PACS1: variants seen among roughly 807,000 people sequenced by gnomAD.
PACS1 encodes the protein PACS-1.
PACS1 carries 24 observed loss-of-function variants against 115.0 expected under a neutral mutation model. The ratio of observed to expected loss-of-function variants is 0.21; its 90% CI spans 0.15 to 0.29. The LOEUF is 0.29. Ranked by LOEUF, PACS1 falls within the 10% of genes least tolerant of loss-of-function variation. PACS1 has a pLI of 1.00. For synonymous variants in PACS1, 453 were observed against 504.5 expected, an observed-to-expected ratio of 0.90 and a Z score of 1.37; for missense variants, 838 against 1,251.2, an observed-to-expected ratio of 0.67 and a Z score of 4.98.
intron 5 of PACS1, 96 bp downstream of exon 5, chr11:66,216,359 C>G (rs1447284515): frequency 6.7e-7 from 1 of 1,489,962 alleles, no homozygotes; most frequent in African/African-American, 1.4e-5. Flanking sequence ...GGGCAAGAGA[C>G]CTTTAGAGAC....
chr11:66,123,725 G>A (rs1482654434), intron 1 of PACS1, among the ~76,000 whole-genome samples: 2 of 150,636 alleles, frequency 1.3e-5, no homozygotes, highest in Non-Finnish European at 2.9e-5. Context: ...GTTTCACCGT[G>A]TTAGCCAGGA....
intron 1 of PACS1, among the ~76,000 whole-genome samples, chr11:66,145,176 G>C (rs915895683): frequency 6.6e-6 from 1 of 152,156 alleles, no homozygotes; most frequent in Non-Finnish European, 1.5e-5. Context: ...GAAAGAAATG[G>C]AGAAGCATTT....
intron 4 of PACS1, among the ~76,000 whole-genome samples, chr11:66,214,032 CA>C (rs71036278): frequency 0.094 from 3,998 of 42,614 alleles, 8 homozygotes; most frequent in African/African-American, 0.12. Context: ...GACTCCATCT[CA>C]AAAAAAAAAA....
chr11:66,129,845 A>G (rs1478228978), intron 1 of PACS1, among the ~76,000 whole-genome samples: 1 of 152,154 alleles, frequency 6.6e-6, no homozygotes, highest in East Asian at 1.9e-4. Flanking sequence ...TGTGTCTGCC[A>G]TCCAAAAGGA....
chr11:66,158,257 CTG>C (rs900751983), intron 1 of PACS1, among the ~76,000 whole-genome samples: 1 of 152,220 alleles, frequency 6.6e-6, no homozygotes, highest in African/African-American at 2.4e-5. Context: ...GTGTGAGCCA[CTG>C]TGCCCGGCCT....
At chr11:66,089,672 G>A (rs149121581) in intron 1 of PACS1, among the ~76,000 whole-genome samples, 28 of 152,162 alleles carry the variant, frequency 1.8e-4, no homozygotes, top group Middle Eastern at 3.4e-3. Context: ...AAGAACAGAC[G>A]AGACAACTTA....
intron 1 of PACS1, among the ~76,000 whole-genome samples, chr11:66,190,518 C>T (rs570132313): frequency 2.8e-4 from 43 of 152,238 alleles, no homozygotes; most frequent in African/African-American, 9.6e-4. Flanking sequence ...CTCCACCTCC[C>T]GGGTTCAAGC....
intron 1 of PACS1, among the ~76,000 whole-genome samples, chr11:66,154,774 T>C (rs1030715558): frequency 6.6e-6 from 1 of 152,182 alleles, no homozygotes. Flanking sequence ...CATCTGTAGA[T>C]TCAATACATT....
chr11:66,129,046 G>A (rs574101366), intron 1 of PACS1, among the ~76,000 whole-genome samples: 1 of 152,156 alleles, frequency 6.6e-6, no homozygotes, highest in South Asian at 2.1e-4. Context: ...TCATGGGTAC[G>A]TACATTTAAA....
chr11:66,172,942 C>T (rs1221507625), intron 1 of PACS1, among the ~76,000 whole-genome samples: 2 of 147,248 alleles, frequency 1.4e-5, no homozygotes, highest in East Asian at 2.0e-4. Context: ...CACCACTGCA[C>T]GCCAGCCTGG....
At chr11:66,081,677 C>T (rs1857482450) in intron 1 of PACS1, among the ~76,000 whole-genome samples, 1 of 152,134 alleles carries the variant, frequency 6.6e-6, no homozygotes, top group African/African-American at 2.4e-5. Context: ...TGGTACAGGC[C>T]CCGCCTGCAA....
chr11:66,239,207 G>A lies in PACS1; in HGVS notation c.2359G>A (p.Gly787Ser), dbSNP rs1855762231. The change falls in exon 21 of 24, where the codon GGC becomes AGC. Residue 787 changes from glycine (G) to serine (S), a missense_variant. Around this residue, in one of 6 missense-constraint regions of PACS1, gnomAD observed 383 missense variants for 537.0 expected, o/e 0.71. Transcript: ENST00000320580. The part of the protein sequence containing the change: ...VPSTSPPSSS[G>S]LSRDATATPP... The stretch of plus-strand genomic sequence containing the variant: ...CTCCACATCACCACCCTCCAGCTCG[G>A]GCCTGAGCCGAGACGCCACGGCCAC... The A allele has an allele frequency of 6.2e-7, 1 of 1,613,876 alleles. No homozygotes were observed. The highest frequency in any genetic ancestry group is 8.5e-7 in the Non-Finnish European group (1 of 1,180,004).
At chr11:66,142,561 G>A (rs1277446316) in intron 1 of PACS1, among the ~76,000 whole-genome samples, 3 of 150,620 alleles carry the variant, frequency 2.0e-5, no homozygotes, top group Non-Finnish European at 3.0e-5. Context: ...TCCCACCTTG[G>A]CCTCCCAAGG....
intron 1 of PACS1, among the ~76,000 whole-genome samples, chr11:66,153,809 CAT>C (rs1165212474): frequency 6.6e-6 from 1 of 152,004 alleles, no homozygotes; most frequent in Non-Finnish European, 1.5e-5. Context: ...ACCTTTTAAA[CAT>C]AATATGTATA....
chr11:66,104,298 CTTAA>C (rs1304776216), intron 1 of PACS1, among the ~76,000 whole-genome samples: 2 of 152,164 alleles, frequency 1.3e-5, no homozygotes, highest in Non-Finnish European at 2.9e-5. Context: ...CAGAGGTAAA[CTTAA>C]TGGAATTTTC....
intron 2 of PACS1, among the ~76,000 whole-genome samples, chr11:66,207,973 T>C (rs76347309): frequency 0.024 from 3,604 of 152,288 alleles, 170 homozygotes; most frequent in African/African-American, 0.083. Flanking sequence ...TTCCCAGTGT[T>C]GCCCAGGCTG....
At position 66,206,129 on chromosome 11, in the gene PACS1, C is replaced by T. The variant is rs151011091; in HGVS notation, c.445-4233C>T. ...CACCACTGCACTCCAGCCTGTGCAA[C>T]AGAGTGAGACTCTGTCTCAAAATAA... On this transcript the variant is annotated intron_variant, in intron 2 of 23. Coordinates refer to ENST00000320580, the MANE Select transcript of PACS1 (RefSeq NM_018026.4). Among the ~76,000 whole-genome samples, 703 of 152,240 alleles carry T rather than the reference C, an allele frequency of 4.6e-3. 7 individuals carry two copies. The highest frequency in any genetic ancestry group is 0.014 in the African/African-American group (577 of 41,554).
chr11:66,128,328 G>T (rs1228709591), intron 1 of PACS1, among the ~76,000 whole-genome samples: 4 of 152,162 alleles, frequency 2.6e-5, no homozygotes, highest in Non-Finnish European at 5.9e-5. Flanking sequence ...AAATTTGTTA[G>T]TTAAGTGTGA....
At chr11:66,203,249 A>T (rs1854857852) in intron 2 of PACS1, among the ~76,000 whole-genome samples, 1 of 152,122 alleles carries the variant, frequency 6.6e-6, no homozygotes, top group African/African-American at 2.4e-5. Context: ...AAGTAATCCC[A>T]TTTACAAGAG....
Sources: gnomAD v4.1 joint callset for allele counts (sites outside exome capture counted in the v4.1 genomes callset) on GRCh38, gnomAD v4.1.1 for gene constraint, gnomAD v4.1.1 regional missense constraint, MANE v1.5 for transcripts, NCBI Gene and HGNC (gene_info 2026-07-23, HGNC 2026-07-21) for gene names.